Variants in ACER1 observed in about 807,000 individuals in gnomAD.
ACER1 encodes the protein CTB-180A7.3.
A neutral mutation model predicts 24.9 loss-of-function variants in ACER1; 28 were observed. The ratio of observed to expected loss-of-function variants is 1.13; its 90% confidence interval spans 0.83 to 1.54. The LOEUF (loss-of-function observed/expected upper bound fraction) is 1.54, where lower values mean the gene tolerates loss of function less well. Ranked by LOEUF, ACER1 falls within the 40% of genes most tolerant of loss-of-function variation. ACER1 has a pLI of 0.00. For synonymous variants in ACER1, 132 were observed against 131.4 expected, an observed-to-expected ratio of 1.00 and a Z score of -0.03; for missense variants, 352 against 349.3, an observed-to-expected ratio of 1.01 and a Z score of -0.06.
intron 3 of ACER1, among the ~76,000 whole-genome samples, chr19:6,311,661 G>GAAGGAGAAGGAGGAGC (rs2091582439): frequency 6.6e-6 from 1 of 151,058 alleles, no homozygotes; most frequent in Non-Finnish European, 1.5e-5. Flanking sequence ...GAAGGAGGAG[G>GAAGGAGAAGGAGGAGC]AGAAGGAGGA....
intron 1 of ACER1, among the ~76,000 whole-genome samples, chr19:6,328,883 C>T (rs1027172925): frequency 1.1e-4 from 16 of 151,620 alleles, no homozygotes; most frequent in African/African-American, 3.9e-4. Flanking sequence ...TCGTGTTTTC[C>T]AGGCTGGTCT....
At chr19:6,322,491 CT>C (rs145436886) in intron 1 of ACER1, among the ~76,000 whole-genome samples, 1,767 of 152,244 alleles carry the variant, frequency 0.012, 12 homozygotes, top group Non-Finnish European at 0.02. Context: ...TCCTATTCAT[CT>C]TTCAAAACCC....
the ACER1 span, among the ~76,000 whole-genome samples, chr19:6,355,021 C>T: frequency 3.7e-4 from 56 of 152,258 alleles, no homozygotes; most frequent in Non-Finnish European, 6.6e-4. Context: ...GACGGGGTTT[C>T]GCTGTGTTGG....
At chr19:6,336,831 A>AAT (rs1448348260), upstream of ACER1, among the ~76,000 whole-genome samples, 1 of 150,650 alleles carries the variant, frequency 6.6e-6, no homozygotes, top group African/African-American at 2.5e-5. Flanking sequence ...AAAAAAAAAA[A>AAT]AAAAAAGAAA....
chr19:6,313,351 C>A (rs1201578229), intron 1 of ACER1, among the ~76,000 whole-genome samples: 3 of 152,136 alleles, frequency 2.0e-5, no homozygotes, highest in African/African-American at 7.2e-5. Context: ...AAGCTCCCAG[C>A]CTCAAGTGAT....
chr19:6,314,748 C>T (rs1055506113), intron 1 of ACER1, among the ~76,000 whole-genome samples: 5 of 151,984 alleles, frequency 3.3e-5, no homozygotes, highest in South Asian at 2.1e-4. Context: ...CCAAAGGAAA[C>T]GAAATCATTA....
chr19:6,309,427 T>G (rs1166560730), intron 4 of ACER1, among the ~76,000 whole-genome samples: 2 of 150,630 alleles, frequency 1.3e-5, no homozygotes, highest in Admixed American at 1.3e-4. Flanking sequence ...GAGGCTGGAG[T>G]GGGAGGATTG....
At chr19:6,323,854 G>C (rs554036847) in intron 1 of ACER1, among the ~76,000 whole-genome samples, 1 of 152,110 alleles carries the variant, frequency 6.6e-6, no homozygotes, top group Non-Finnish European at 1.5e-5. Flanking sequence ...CTGCCATTGT[G>C]TGTAGCTCAG....
chr19:6,351,485 C>T, the ACER1 span, among the ~76,000 whole-genome samples: 1 of 151,558 alleles, frequency 6.6e-6, no homozygotes, highest in Admixed American at 6.6e-5. Context: ...AATCCCAGCA[C>T]TTTGAGAGGC....
the ACER1 span, among the ~76,000 whole-genome samples, chr19:6,352,670 T>C: frequency 6.6e-5 from 10 of 152,260 alleles, no homozygotes; most frequent in African/African-American, 2.4e-4. Context: ...TGCACACCTT[T>C]GATCATTTCC....
At chr19:6,353,205 G>A in the ACER1 span, among the ~76,000 whole-genome samples, 698 of 151,990 alleles carry the variant, frequency 4.6e-3, 5 homozygotes, top group African/African-American at 0.016. Flanking sequence ...GGTGGCTTGC[G>A]CCTATAGTCT....
At chr19:6,345,526 G>A in the ACER1 span, among the ~76,000 whole-genome samples, 3 of 151,736 alleles carry the variant, frequency 2.0e-5, no homozygotes, top group Non-Finnish European at 4.4e-5. Context: ...CCCAGCTGGG[G>A]GTGATGGGAG....
intron 1 of ACER1, 97 bp from the exon 2 acceptor site, chr19:6,312,596 CCTG>C: frequency 1.1e-6 from 1 of 916,004 alleles, no homozygotes. Flanking sequence ...CAGTCGGTTA[CCTG>C]CTGCATTTCA....
chr19:6,347,700 G>A, the ACER1 span, among the ~76,000 whole-genome samples: 2 of 152,040 alleles, frequency 1.3e-5, no homozygotes, highest in African/African-American at 4.8e-5. Flanking sequence ...GCCGGGCGTG[G>A]TGGCAGGTGC....
chr19:6,347,109 A>AAAATATATAT, the ACER1 span, among the ~76,000 whole-genome samples: 275 of 113,746 alleles, frequency 2.4e-3, 5 homozygotes, highest in African/African-American at 0.013. Flanking sequence ...AAAAAAAAAA[A>AAAATATATAT]ATATATATAT....
In ACER1 at chr19:6,309,820, C is replaced by T. The variant is rs368764098; in HGVS notation, c.365G>A (p.Arg122His). 31 of 1,613,832 alleles carry T rather than the reference C, an allele frequency of 1.9e-5. No homozygotes were observed. The highest frequency in any genetic ancestry group is 2.7e-5 in the African/African-American group (2 of 74,894). Residue 122 changes from arginine (R) to histidine (H), a missense_variant, in exon 4 of 6, where the codon CGC (arginine) becomes CAC (histidine). Physicochemically the swap from Arg to His is conservative, Grantham distance 29 (BLOSUM62 0). Transcript: ENST00000301452. ...GACCACAGTGGTGATGAAGACCAGGCGGATGAACTGGGACCTGGGGAGGAA... is the reference window on the plus strand; with the variant it reads ...GACCACAGTGGTGATGAAGACCAGGTGGATGAACTGGGACCTGGGGAGGAA... ...FLGGNRSQFI[R>H]LVFITTVVST...
intron 1 of ACER1, among the ~76,000 whole-genome samples, chr19:6,317,879 C>T (rs1478169243): frequency 5.3e-5 from 8 of 152,004 alleles, no homozygotes; most frequent in African/African-American, 1.9e-4. Flanking sequence ...CTCAGCCTCC[C>T]GAGTAGCAGG....
At chr19:6,327,585 T>TA (rs951137298) in intron 1 of ACER1, among the ~76,000 whole-genome samples, 8 of 149,654 alleles carry the variant, frequency 5.3e-5, no homozygotes, top group Non-Finnish European at 1.0e-4. Context: ...AATAAATAAA[T>TA]AATAATAAAA....
At chr19:6,322,699 A>G (rs1206825171) in intron 1 of ACER1, among the ~76,000 whole-genome samples, 1 of 152,128 alleles carries the variant, frequency 6.6e-6, no homozygotes, top group East Asian at 1.9e-4. Flanking sequence ...GTCCCCACCC[A>G]AATGTCATCT....
Sources: allele counts gnomAD v4.1 joint callset (sites outside exome capture counted in the v4.1 genomes callset), GRCh38; gene constraint gnomAD v4.1.1; transcripts MANE v1.5; gene names NCBI Gene and HGNC (gene_info 2026-07-23, HGNC 2026-07-21).